Variants in DMRT1 observed in about 807,000 individuals in gnomAD.
DMRT1 encodes the protein doublesex- and mab-3-related transcription factor 1.
A neutral mutation model predicts 32.3 loss-of-function variants in DMRT1; 7 were observed. The observed-to-expected ratio is 0.22, with a 90% CI of 0.12 to 0.41. DMRT1 has a LOEUF of 0.41. DMRT1 is among the 10% of genes least tolerant of loss of function. The pLI is 1.00. For synonymous variants in DMRT1, 278 were observed against 206.1 expected, an observed-to-expected ratio of 1.35 and a Z score of -2.99; for missense variants, 625 against 500.5, an observed-to-expected ratio of 1.25 and a Z score of -2.37.
intron 3 of DMRT1, among the ~76,000 whole-genome samples, chr9:911,725 C>T (rs1157835696): frequency 6.6e-6 from 1 of 152,142 alleles, no homozygotes; most frequent in Non-Finnish European, 1.5e-5. Context: ...CTCCTGACCT[C>T]AGGTGATCCA....
intron 4 of DMRT1, among the ~76,000 whole-genome samples, chr9:964,689 G>A (rs955663373): frequency 2.0e-5 from 3 of 152,050 alleles, no homozygotes; most frequent in African/African-American, 4.8e-5. Context: ...AAGCACAAGA[G>A]CAGTACACTA....
At chr9:954,523 A>G (rs1038373843) in intron 4 of DMRT1, among the ~76,000 whole-genome samples, 19 of 151,962 alleles carry the variant, frequency 1.3e-4, no homozygotes, top group Non-Finnish European at 2.8e-4. Flanking sequence ...CTGGCTAGAG[A>G]AGAGGGTGTG....
chr9:902,388 A>G (rs1389420465), intron 3 of DMRT1, among the ~76,000 whole-genome samples: 1 of 151,636 alleles, frequency 6.6e-6, no homozygotes, highest in Non-Finnish European at 1.5e-5. Context: ...CCTTGTGACA[A>G]CAGTGAAGTT....
Position 965,663 on chromosome 9 carries a change from A to G in DMRT1, c.968-2322A>G, listed in dbSNP as rs1181506832. On this transcript the variant is annotated intron_variant, in intron 4 of 4. Transcript: ENST00000382276. The surrounding 1 kb of genome is among the most constrained non-coding windows in gnomAD (Gnocchi z 4.5). ...CCAGGGCTCTGAACATGTTGGGAGA[A>G]CACATACCTATTCCTTTACAAGCCT... 6.6e-6 allele frequency among the ~76,000 whole-genome samples: 1 copy of G among 152,220 alleles called. No individual in the cohort carries two copies. The highest frequency in any genetic ancestry group is 2.4e-5 in the African/African-American group (1 of 41,454).
chr9:946,771 G>A (rs555641997), intron 4 of DMRT1, among the ~76,000 whole-genome samples: 1 of 152,134 alleles, frequency 6.6e-6, no homozygotes, highest in Non-Finnish European at 1.5e-5. Context: ...GTTTCCACTT[G>A]GGCTGAAAAA....
chr9:900,093 T>C (rs940542646), intron 3 of DMRT1, among the ~76,000 whole-genome samples: 2 of 152,182 alleles, frequency 1.3e-5, no homozygotes, highest in East Asian at 3.8e-4. Flanking sequence ...AACACAAAAA[T>C]TGGGAAAAGT....
At chr9:952,982 C>G (rs890002257) in intron 4 of DMRT1, among the ~76,000 whole-genome samples, 2 of 152,132 alleles carry the variant, frequency 1.3e-5, no homozygotes, top group Non-Finnish European at 2.9e-5. Context: ...AGCCTATAGA[C>G]TTAAATCTTT....
At chr9:912,801 G>T (rs1818035105) in intron 3 of DMRT1, among the ~76,000 whole-genome samples, 1 of 151,898 alleles carries the variant, frequency 6.6e-6, no homozygotes, top group African/African-American at 2.4e-5. Context: ...AGAATTAACT[G>T]GGATCTTTGA....
intron 2 of DMRT1, among the ~76,000 whole-genome samples, chr9:878,420 C>A (rs979450815): frequency 6.6e-6 from 1 of 152,130 alleles, no homozygotes; most frequent in Non-Finnish European, 1.5e-5. Context: ...TTGTTGCTTT[C>A]CTGGCGCCAG....
At chr9:876,879 C>A (rs947773060) in intron 2 of DMRT1, among the ~76,000 whole-genome samples, 2 of 149,704 alleles carry the variant, frequency 1.3e-5, no homozygotes, top group African/African-American at 5.0e-5. Context: ...CTCCCTTTTC[C>A]CCTTCTGACA....
chr9:894,463 AC>A, intron 3 of DMRT1: 3 of 532,394 alleles, frequency 5.6e-6, no homozygotes, highest in Non-Finnish European at 1.0e-5. Context: ...GAAATAATGT[AC>A]AAACTTGTTT....
Position 968,024 on chromosome 9 carries a change from C to T in DMRT1, c.1007C>T (p.Ser336Phe). The T allele has an allele frequency of 6.2e-7, 1 of 1,614,118 alleles. No homozygotes were observed. The highest frequency in any genetic ancestry group is 8.5e-7 in the Non-Finnish European group (1 of 1,180,038). The change falls in exon 5 of 5, where the codon TCC (serine) becomes TTC (phenylalanine). Residue 336 changes from serine to phenylalanine, a missense_variant. Transcript: ENST00000382276. ...PPSSQDSGLV[S>F]LSSSSPISNK... Reference sequence around the variant, plus strand: ...AGCAGTCAAGATTCTGGCTTGGTTTCCCTCTCGAGCAGCTCTCCTATTAGT... The same window carrying T: ...AGCAGTCAAGATTCTGGCTTGGTTTTCCTCTCGAGCAGCTCTCCTATTAGT...
At chr9:847,617 G>T (rs115959382) in intron 2 of DMRT1, among the ~76,000 whole-genome samples, 1 of 152,148 alleles carries the variant, frequency 6.6e-6, no homozygotes, top group Non-Finnish European at 1.5e-5. Context: ...CTCTCCCCTG[G>T]GTGCTAAGGA....
intron 4 of DMRT1, among the ~76,000 whole-genome samples, chr9:943,978 T>C (rs549492618): frequency 2.0e-5 from 3 of 152,196 alleles, no homozygotes; most frequent in Non-Finnish European, 4.4e-5. Flanking sequence ...TGCATAATGG[T>C]TGAGAGTACT....
intron 2 of DMRT1, among the ~76,000 whole-genome samples, chr9:863,603 A>G (rs1015400191): frequency 6.6e-6 from 1 of 152,136 alleles, no homozygotes; most frequent in East Asian, 1.9e-4. Context: ...GAGCAAAGAA[A>G]CAGTCCCTGC....
chr9:934,335 G>GT (rs1251665027), intron 4 of DMRT1, among the ~76,000 whole-genome samples: 3 of 152,210 alleles, frequency 2.0e-5, no homozygotes, highest in Admixed American at 6.5e-5. Context: ...AGTTTGTTTT[G>GT]TTTCTTCTTC....
At chr9:942,704 A>G (rs780254519) in intron 4 of DMRT1, among the ~76,000 whole-genome samples, 21 of 152,122 alleles carry the variant, frequency 1.4e-4, no homozygotes, top group Non-Finnish European at 2.6e-4. Context: ...TTGTGTTCAT[A>G]GTCAGATTTT....
rs183844435 is a variant in DMRT1, at chr9:965,291, A to C, written c.968-2694A>C. On this transcript the variant is annotated intron_variant, in intron 4 of 4. Coordinates refer to ENST00000382276, the MANE Select transcript of DMRT1 (RefSeq NM_021951.3). The surrounding 1 kb of genome is among the most constrained non-coding windows in gnomAD (Gnocchi z 4.5). ...AATGCTAAGCCTTGAACAAATGTAA[A>C]AATAGCATGGGTTTAAATTTTGAGT... Among the ~76,000 whole-genome samples, 4 of 152,330 alleles carry C rather than the reference A, an allele frequency of 2.6e-5. No individual in the cohort carries two copies. The highest frequency in any genetic ancestry group is 6.5e-5 in the Admixed American group (1 of 15,304).
intron 2 of DMRT1, among the ~76,000 whole-genome samples, chr9:875,879 C>G (rs1406410150): frequency 6.6e-6 from 1 of 152,140 alleles, no homozygotes; most frequent in Non-Finnish European, 1.5e-5. Flanking sequence ...GGCTTTTGAA[C>G]TGCTGGAAAA....
Sources: allele counts gnomAD v4.1 joint callset (sites outside exome capture counted in the v4.1 genomes callset), GRCh38; gene constraint gnomAD v4.1.1; non-coding constraint Gnocchi (gnomAD v3.1); transcripts MANE v1.5; gene names NCBI Gene and HGNC (gene_info 2026-07-23, HGNC 2026-07-21).